GRIA3: variants seen among roughly 807,000 people sequenced by gnomAD.
The protein encoded by GRIA3 is glutamate ionotropic receptor AMPA type subunit 3.
GRIA3 carries 3 observed loss-of-function variants against 63.0 expected under a neutral mutation model. The ratio of observed to expected loss-of-function variants is 0.05; its 90% CI spans 0.02 to 0.12. The LOEUF (loss-of-function observed/expected upper bound fraction) is 0.12. Ranked by LOEUF, GRIA3 falls within the 10% of genes least tolerant of loss-of-function variation. The probability of loss-of-function intolerance (pLI) is 1.00; values close to 1 mark genes in which losing one functional copy is unlikely to be tolerated. For synonymous variants in GRIA3, 274 were observed against 257.9 expected (o/e 1.06, Z -0.60); for missense variants, 347 against 700.9 (o/e 0.50, Z 5.70).
At chrX:123,293,771 A>G (rs761647564) in intron 3 of GRIA3, among the ~76,000 whole-genome samples, 81 of 110,845 alleles carry the variant, frequency 7.3e-4, no homozygotes, top group African/African-American at 2.5e-3. Context: ...AAGGCTTACT[A>G]TGTGCCAAGT....
chrX:123,468,608 T>G (rs2045846909), intron 13 of GRIA3, among the ~76,000 whole-genome samples: 1 of 112,762 alleles, frequency 8.9e-6, no homozygotes, highest in Non-Finnish European at 1.9e-5. Flanking sequence ...ATAGTCAGTT[T>G]GAATTACAAA....
intron 2 of GRIA3, among the ~76,000 whole-genome samples, chrX:123,230,202 A>G (rs1275892304): frequency 9.0e-6 from 1 of 111,680 alleles, no homozygotes; most frequent in Non-Finnish European, 1.9e-5. Context: ...GAGGAGGCCA[A>G]TGCTCCCATG....
At chrX:123,236,527 G>A (rs1356465919) in intron 2 of GRIA3, among the ~76,000 whole-genome samples, 2 of 106,008 alleles carry the variant, frequency 1.9e-5, no homozygotes, top group Non-Finnish European at 3.9e-5. Flanking sequence ...CCCAGAGAAG[G>A]CATCTTCTAT....
intron 3 of GRIA3, among the ~76,000 whole-genome samples, chrX:123,303,836 A>G (rs928995274): frequency 9.0e-6 from 1 of 111,514 alleles, no homozygotes; most frequent in African/African-American, 3.3e-5. Flanking sequence ...TTCCAAAATA[A>G]CATTTAAATT....
chrX:123,426,679 G>A (rs1015789934), intron 11 of GRIA3, among the ~76,000 whole-genome samples: 2 of 112,218 alleles, frequency 1.8e-5, no homozygotes, highest in African/African-American at 6.5e-5. Flanking sequence ...TGGGCATTCA[G>A]CTATTCTGAA....
chrX:123,374,661 A>G (rs1341899732), intron 5 of GRIA3, among the ~76,000 whole-genome samples: 3 of 111,180 alleles, frequency 2.7e-5, no homozygotes, highest in Non-Finnish European at 5.7e-5. Context: ...TCTGTCTGTT[A>G]TTGGTGTATA....
intron 3 of GRIA3, among the ~76,000 whole-genome samples, chrX:123,288,796 T>C (rs1436213203): frequency 1.8e-5 from 2 of 111,750 alleles, no homozygotes; most frequent in African/African-American, 6.5e-5. Context: ...TGTGGAGAAA[T>C]AGGAATGCTT....
intron 4 of GRIA3, among the ~76,000 whole-genome samples, chrX:123,330,762 C>G (rs1440799439): frequency 9.0e-6 from 1 of 111,372 alleles, no homozygotes; most frequent in Non-Finnish European, 1.9e-5. Flanking sequence ...TTAGAAATGA[C>G]TCATTATAAA....
At chrX:123,285,569 A>G (rs1190879507) in intron 3 of GRIA3, among the ~76,000 whole-genome samples, 2 of 89,575 alleles carry the variant, frequency 2.2e-5, no homozygotes, top group African/African-American at 4.2e-5. Flanking sequence ...TTCCAAGCAA[A>G]TGAAAAGCAA....
intron 3 of GRIA3, among the ~76,000 whole-genome samples, chrX:123,299,702 TA>T (rs1386651249): frequency 1.8e-5 from 2 of 111,402 alleles, no homozygotes; most frequent in African/African-American, 3.3e-5. Flanking sequence ...CCTCTCTTCC[TA>T]TTTGGATGCC....
At chrX:123,414,003 T>C (rs776308971) in intron 10 of GRIA3, among the ~76,000 whole-genome samples, 1 of 112,087 alleles carries the variant, frequency 8.9e-6, no homozygotes, top group East Asian at 2.8e-4. Flanking sequence ...ACACAAGCAG[T>C]TAATGTCTGA....
intron 15 of GRIA3, among the ~76,000 whole-genome samples, chrX:123,484,323 C>G (rs1406903300): frequency 8.9e-6 from 1 of 112,681 alleles, no homozygotes; most frequent in Non-Finnish European, 1.9e-5. Flanking sequence ...AAATGCCTAT[C>G]TGAAGTGGAA....
chrX:123,262,984 G>A (rs1205943327), intron 3 of GRIA3, among the ~76,000 whole-genome samples: 2 of 111,586 alleles, frequency 1.8e-5, no homozygotes, highest in Non-Finnish European at 3.8e-5. Context: ...AAGGAACAAT[G>A]TTCCTTTTAC....
At position 123,272,624 on chromosome X, in the gene GRIA3, G is replaced by A. The variant is rs1203304319; in HGVS notation, c.508+19082G>A. Among the ~76,000 whole-genome samples, 12 of 111,770 alleles carry A rather than the reference G, an allele frequency of 1.1e-4. 1 individual carries two copies. ...AGACAGGACAGGTGAAGCTCCAAGT[G>A]CACATTTAGACTGGGAAAGGGAAAA... On this transcript the variant is annotated intron_variant, in intron 3 of 15. Coordinates refer to ENST00000620443, the MANE Select transcript of GRIA3 (RefSeq NM_007325.5).
chrX:123,238,994 T>C (rs913480067), intron 2 of GRIA3, among the ~76,000 whole-genome samples: 5 of 110,879 alleles, frequency 4.5e-5, no homozygotes, highest in Admixed American at 2.9e-4. Flanking sequence ...CAGTACTTGA[T>C]GCTGTTCAAT....
intron 3 of GRIA3, among the ~76,000 whole-genome samples, chrX:123,322,437 G>A (rs771807223): frequency 3.0e-4 from 34 of 111,923 alleles, no homozygotes; most frequent in Non-Finnish European, 6.0e-4. Context: ...CTCACAGAGA[G>A]TGGATGACAA....
intron 3 of GRIA3, among the ~76,000 whole-genome samples, chrX:123,282,607 T>G (rs1233049557): frequency 8.9e-6 from 1 of 112,607 alleles, no homozygotes; most frequent in Non-Finnish European, 1.9e-5. Context: ...GTGTCTTTAT[T>G]AATAACGAAA....
chrX:123,243,456 C>T (rs778223500), intron 2 of GRIA3, among the ~76,000 whole-genome samples: 24 of 111,736 alleles, frequency 2.1e-4, no homozygotes, highest in Non-Finnish European at 4.1e-4. Context: ...CTTTCAGTGC[C>T]TCAAATGCAT....
At chrX:123,355,635 C>T (rs137966068) in intron 5 of GRIA3, among the ~76,000 whole-genome samples, 1 of 111,434 alleles carries the variant, frequency 9.0e-6, no homozygotes, top group African/African-American at 3.3e-5. Flanking sequence ...CTGAATAATA[C>T]CATCTCCATG....
Sources: gnomAD v4.1 joint callset for allele counts (sites outside exome capture counted in the v4.1 genomes callset) on GRCh38, gnomAD v4.1.1 for gene constraint, MANE v1.5 for transcripts, NCBI Gene and HGNC (gene_info 2026-07-23, HGNC 2026-07-21) for gene names.